Variants in CLSTN2 observed in about 807,000 individuals in gnomAD.
CLSTN2 encodes calsyntenin-2.
In CLSTN2, 48 loss-of-function variants were observed where a neutral mutation model predicts 101.2. That is an observed-to-expected ratio of 0.47 (90% CI 0.38 to 0.60). The LOEUF is 0.60. Ranked by LOEUF, CLSTN2 falls within the 20% of genes least tolerant of loss-of-function variation. The pLI, the probability that CLSTN2 is intolerant of heterozygous loss-of-function variation, is 0.00. For synonymous variants in CLSTN2, 481 were observed against 463.6 expected, an observed-to-expected ratio of 1.04 and a Z score of -0.48; for missense variants, 1,160 against 1,238.2, an observed-to-expected ratio of 0.94 and a Z score of 0.95.
chr3:140,312,301 G>A (rs1167233491), intron 2 of CLSTN2, among the ~76,000 whole-genome samples: 3 of 152,260 alleles, frequency 2.0e-5, no homozygotes, highest in Non-Finnish European at 4.4e-5. Context: ...ATTCTGCACA[G>A]TGTGGCCTTC....
intron 8 of CLSTN2, among the ~76,000 whole-genome samples, chr3:140,502,967 G>A (rs2107763246): frequency 6.6e-6 from 1 of 152,314 alleles, no homozygotes. Flanking sequence ...GTATTGGGAA[G>A]GCTGTGCTCC....
intron 2 of CLSTN2, among the ~76,000 whole-genome samples, chr3:140,382,210 T>G (rs908582647): frequency 6.6e-6 from 1 of 152,212 alleles, no homozygotes; most frequent in African/African-American, 2.4e-5. Context: ...AATCACATCT[T>G]TAATCTTGTG....
chr3:140,101,898 G>A (rs1196536210), intron 1 of CLSTN2, among the ~76,000 whole-genome samples: 1 of 152,216 alleles, frequency 6.6e-6, no homozygotes, highest in Non-Finnish European at 1.5e-5. Context: ...TCATGTGACT[G>A]CAACTCAGTT....
chr3:140,404,850 A>G (rs527836895), intron 4 of CLSTN2, 84 bp downstream of exon 4: 8 of 1,171,862 alleles, frequency 6.8e-6, no homozygotes, highest in Admixed American at 5.4e-5. Flanking sequence ...GGCTCTGAAT[A>G]TGCTTGGCAA....
chr3:140,378,320 T>C (rs2087942505), intron 2 of CLSTN2, among the ~76,000 whole-genome samples: 1 of 152,256 alleles, frequency 6.6e-6, no homozygotes, highest in Non-Finnish European at 1.5e-5. Context: ...CAGTAAATAT[T>C]TGATGAATAA....
At chr3:140,435,208 C>A (rs983749270) in intron 5 of CLSTN2, among the ~76,000 whole-genome samples, 4 of 152,128 alleles carry the variant, frequency 2.6e-5, no homozygotes, top group Admixed American at 2.6e-4. Flanking sequence ...CTCCCCTTAC[C>A]AACCCCCTAC....
intron 1 of CLSTN2, among the ~76,000 whole-genome samples, chr3:139,977,951 T>C (rs1052562066): frequency 6.6e-6 from 1 of 152,188 alleles, no homozygotes; most frequent in Non-Finnish European, 1.5e-5. Context: ...TGATGCATGA[T>C]GACATGAGAC....
intron 1 of CLSTN2, among the ~76,000 whole-genome samples, chr3:140,076,643 T>TTTTTG (rs1553796148): frequency 6.9e-6 from 1 of 144,134 alleles, no homozygotes; most frequent in Non-Finnish European, 1.5e-5. Context: ...TTTTTTTTTT[T>TTTTTG]TTTTTTTTTT....
At chr3:140,256,093 A>G (rs2086601663) in intron 2 of CLSTN2, among the ~76,000 whole-genome samples, 2 of 152,182 alleles carry the variant, frequency 1.3e-5, no homozygotes, top group South Asian at 4.1e-4. Context: ...GTGAGATAAT[A>G]AAGCTATTTC....
intron 1 of CLSTN2, among the ~76,000 whole-genome samples, chr3:140,116,092 A>G (rs964078209): frequency 5.3e-5 from 8 of 152,026 alleles, no homozygotes; most frequent in African/African-American, 1.7e-4. Context: ...ACCTCTTTCT[A>G]TTCCTGCAGC....
At position 140,020,893 on chromosome 3, in the gene CLSTN2, C is replaced by G. The variant is rs564864012; in HGVS notation, c.109+85410C>G. Reference sequence around the variant, plus strand: ...AGGCACAATTTACACAGAGGCTTGGCAGACTGCTTCGTCTTCTAATTGCCG... The same window carrying G: ...AGGCACAATTTACACAGAGGCTTGGGAGACTGCTTCGTCTTCTAATTGCCG... On this transcript the variant is annotated intron_variant, in intron 1 of 16. Coordinates refer to ENST00000458420, the MANE Select transcript of CLSTN2 (RefSeq NM_022131.3). Among the ~76,000 whole-genome samples the G allele has an allele frequency of 2.0e-5, 3 of 152,318 alleles. No individual in the cohort carries two copies. The South Asian group carries it at 6.2e-4, about 32-fold the overall frequency.
intron 1 of CLSTN2, among the ~76,000 whole-genome samples, chr3:140,042,677 C>T (rs546772296): frequency 1.3e-4 from 20 of 152,116 alleles, no homozygotes; most frequent in Non-Finnish European, 2.4e-4. Flanking sequence ...TCCCTCCTCC[C>T]GCTACACCAT....
intron 2 of CLSTN2, among the ~76,000 whole-genome samples, chr3:140,390,109 A>G (rs1208561841): frequency 6.6e-6 from 1 of 151,846 alleles, no homozygotes; most frequent in Non-Finnish European, 1.5e-5. Flanking sequence ...AAAATACATA[A>G]CATATTCAAA....
At chr3:140,015,334 T>G (rs2007179406) in intron 1 of CLSTN2, among the ~76,000 whole-genome samples, 1 of 152,120 alleles carries the variant, frequency 6.6e-6, no homozygotes, top group African/African-American at 2.4e-5. Flanking sequence ...ACAAATGCCA[T>G]GGAGAACTGT....
intron 6 of CLSTN2, chr3:140,453,240 T>C (rs1933293159): frequency 6.6e-6 from 1 of 152,114 alleles, no homozygotes; most frequent in Admixed American, 6.5e-5. Context: ...GATGTCTGGG[T>C]CAGCTGTGTT....
At chr3:140,164,802 G>A (rs994465242) in intron 1 of CLSTN2, among the ~76,000 whole-genome samples, 1 of 152,212 alleles carries the variant, frequency 6.6e-6, no homozygotes, top group African/African-American at 2.4e-5. Context: ...GAGAAATTAG[G>A]TAAGTTCTTT....
At chr3:140,395,422 C>A (rs1178019913) in intron 2 of CLSTN2, among the ~76,000 whole-genome samples, 1 of 152,162 alleles carries the variant, frequency 6.6e-6, no homozygotes, top group Non-Finnish European at 1.5e-5. Flanking sequence ...ATGGAACTTT[C>A]AGGATTAGGC....
At chr3:140,198,053 C>A (rs1220326079) in intron 2 of CLSTN2, among the ~76,000 whole-genome samples, 2 of 152,080 alleles carry the variant, frequency 1.3e-5, no homozygotes, top group African/African-American at 4.8e-5. Flanking sequence ...GTGTTTCAAG[C>A]AAAAGCAATG....
chr3:140,485,425 T>G (rs1370552193), intron 8 of CLSTN2, among the ~76,000 whole-genome samples: 1 of 152,200 alleles, frequency 6.6e-6, no homozygotes, highest in Non-Finnish European at 1.5e-5. Context: ...GAGGAGGCAG[T>G]CTGTCTGTTC....
Sources: allele counts gnomAD v4.1 joint callset (sites outside exome capture counted in the v4.1 genomes callset), GRCh38; gene constraint gnomAD v4.1.1; transcripts MANE v1.5; gene names NCBI Gene and HGNC (gene_info 2026-07-23, HGNC 2026-07-21).